Variants in THSD4 observed in about 807,000 individuals in gnomAD.
THSD4 encodes the protein thrombospondin type 1 domain containing 4.
A neutral mutation model predicts 119.0 loss-of-function variants in THSD4; 69 were observed. The observed-to-expected ratio is 0.58, with a 90% CI of 0.48 to 0.71. The LOEUF is 0.71. THSD4 is among the 30% of genes least tolerant of loss of function. The pLI, the probability that THSD4 is intolerant of heterozygous loss-of-function variation, is 0.00. For synonymous variants in THSD4, 524 were observed against 540.4 expected (o/e 0.97, Z 0.42); for missense variants, 1,393 against 1,391.1 (o/e 1.00, Z -0.02).
chr15:71,138,368 G>A (rs531708218), intron 1 of THSD4, among the ~76,000 whole-genome samples: 3 of 152,264 alleles, frequency 2.0e-5, no homozygotes, highest in East Asian at 1.9e-4. Context: ...CCCTTGACAC[G>A]TGGGGATTAT....
chr15:71,396,084 C>T (rs1344958480), intron 6 of THSD4, among the ~76,000 whole-genome samples: 1 of 152,068 alleles, frequency 6.6e-6, no homozygotes, highest in African/African-American at 2.4e-5. Flanking sequence ...AGTGCTTTGG[C>T]CGTGTACCAA....
intron 3 of THSD4, among the ~76,000 whole-genome samples, chr15:71,174,418 G>A (rs565181706): frequency 3.4e-5 from 5 of 148,252 alleles, no homozygotes; most frequent in East Asian, 2.0e-4. Context: ...CGAATATTGC[G>A]CTTTTCAGAC....
At chr15:71,513,639 G>C (rs929319270) in intron 7 of THSD4, among the ~76,000 whole-genome samples, 4 of 152,118 alleles carry the variant, frequency 2.6e-5, no homozygotes, top group Non-Finnish European at 4.4e-5. Context: ...GTGTAAAATG[G>C]TACAACCACT....
intron 7 of THSD4, among the ~76,000 whole-genome samples, chr15:71,614,345 CT>C (rs2050286128): frequency 6.6e-6 from 1 of 152,168 alleles, no homozygotes. Context: ...TCATTTTCGC[CT>C]GCTTTTTCCA....
At chr15:71,340,159 T>G (rs575584738) in intron 6 of THSD4, among the ~76,000 whole-genome samples, 6 of 152,210 alleles carry the variant, frequency 3.9e-5, no homozygotes, top group South Asian at 4.1e-4. Context: ...GCAGGTTGGC[T>G]TTGTACTGTG....
At chr15:71,555,230 G>T (rs905758997) in intron 7 of THSD4, among the ~76,000 whole-genome samples, 1 of 152,130 alleles carries the variant, frequency 6.6e-6, no homozygotes, top group African/African-American at 2.4e-5. Context: ...ATGTCAGATT[G>T]CTTTCCACAG....
intron 11 of THSD4, among the ~76,000 whole-genome samples, chr15:71,743,741 A>G (rs2141165196): frequency 6.6e-6 from 1 of 152,342 alleles, no homozygotes; most frequent in South Asian, 2.1e-4. Context: ...ACTGTCTTGC[A>G]AACTGTCAAG....
intron 8 of THSD4, among the ~76,000 whole-genome samples, chr15:71,714,087 T>C (rs1002885688): frequency 6.6e-6 from 1 of 152,194 alleles, no homozygotes; most frequent in Non-Finnish European, 1.5e-5. Flanking sequence ...ATTGTGGTTT[T>C]TGACATTATT....
At chr15:71,313,905 A>G (rs917748688) in intron 6 of THSD4, among the ~76,000 whole-genome samples, 1 of 152,292 alleles carries the variant, frequency 6.6e-6, no homozygotes, top group East Asian at 1.9e-4. Context: ...AAAACACAGC[A>G]TGGGCTCCTA....
intron 4 of THSD4, among the ~76,000 whole-genome samples, chr15:71,220,800 A>G (rs1210512250): frequency 6.6e-6 from 1 of 152,194 alleles, no homozygotes; most frequent in Non-Finnish European, 1.5e-5. Flanking sequence ...TCTGGGAAGC[A>G]TAGACTGGGT....
chr15:71,700,429 A>C, intron 8 of THSD4, among the ~76,000 whole-genome samples: 1 of 152,170 alleles, frequency 6.6e-6, no homozygotes, highest in East Asian at 1.9e-4. Context: ...AAGGGCATAA[A>C]ATTTAAATAA....
intron 6 of THSD4, among the ~76,000 whole-genome samples, chr15:71,323,282 C>G (rs2045297016): frequency 6.6e-6 from 1 of 152,076 alleles, no homozygotes; most frequent in Non-Finnish European, 1.5e-5. Context: ...ATTTCAGAAG[C>G]TGACTACCAC....
chr15:71,266,198 A>T (rs1187156323), intron 6 of THSD4, among the ~76,000 whole-genome samples: 1 of 152,184 alleles, frequency 6.6e-6, no homozygotes, highest in Non-Finnish European at 1.5e-5. Context: ...CAGACACCTC[A>T]TACAGGAGAG....
At position 71,564,055 on chromosome 15, in the gene THSD4, G is replaced by A. The variant is rs527743626; in HGVS notation, c.1153-96475G>A. 2.2e-4 allele frequency among the ~76,000 whole-genome samples: 34 copies of A among 152,208 alleles called. No individual in the cohort carries two copies. The South Asian group carries it at 2.7e-3, about 12-fold the overall frequency. Reference sequence around the variant, plus strand: ...AAACTAAATAGTTTTTTGCAGCATCGTAGAATAGATTAGAAACCAAGACTT... The same window carrying A: ...AAACTAAATAGTTTTTTGCAGCATCATAGAATAGATTAGAAACCAAGACTT... On this transcript the variant is annotated intron_variant, in intron 7 of 17. Coordinates refer to ENST00000261862, the MANE Select transcript of THSD4 (RefSeq NM_024817.3).
intron 8 of THSD4, among the ~76,000 whole-genome samples, chr15:71,699,375 G>A (rs1373639525): frequency 1.6e-5 from 1 of 63,688 alleles, no homozygotes; most frequent in Non-Finnish European, 2.8e-5. Context: ...ACTACGCCCG[G>A]CTAATTTTTT....
chr15:71,243,753 A>T (rs1184004251), intron 5 of THSD4, among the ~76,000 whole-genome samples: 1 of 149,958 alleles, frequency 6.7e-6, no homozygotes, highest in Non-Finnish European at 1.5e-5. Flanking sequence ...ATTATTAAAA[A>T]CTCATAAGCC....
intron 3 of THSD4, among the ~76,000 whole-genome samples, chr15:71,214,224 G>A (rs909076366): frequency 6.8e-6 from 1 of 147,618 alleles, no homozygotes; most frequent in African/African-American, 2.7e-5. Flanking sequence ...GGACAAATAA[G>A]GGACTAAAAG....
At chr15:71,174,007 C>T (rs537201567) in intron 3 of THSD4, among the ~76,000 whole-genome samples, 1 of 152,274 alleles carries the variant, frequency 6.6e-6, no homozygotes, top group African/African-American at 2.4e-5. Context: ...AGAGCAAAAT[C>T]TTCATGATAT....
intron 6 of THSD4, among the ~76,000 whole-genome samples, chr15:71,385,839 C>A (rs1441355): frequency 6.6e-6 from 1 of 152,102 alleles, no homozygotes; most frequent in Admixed American, 6.5e-5. Flanking sequence ...ATCCCAACCT[C>A]CTTACTGTAC....
Sources: allele counts gnomAD v4.1 joint callset (sites outside exome capture counted in the v4.1 genomes callset), GRCh38; gene constraint gnomAD v4.1.1; transcripts MANE v1.5; gene names NCBI Gene and HGNC (gene_info 2026-07-23, HGNC 2026-07-21).